RBMS3: variants seen among roughly 807,000 people sequenced by gnomAD.
RBMS3 encodes RNA binding motif single stranded interacting protein 3.
In RBMS3, 27 loss-of-function variants were observed where a neutral mutation model predicts 66.8. The observed-to-expected ratio is 0.40, with a 90% CI of 0.30 to 0.56. The LOEUF is 0.56. RBMS3 is among the 20% of genes least tolerant of loss of function. The pLI, the probability that RBMS3 is intolerant of heterozygous loss-of-function variation, is 0.40. For synonymous variants in RBMS3, 188 were observed against 183.0 expected (o/e 1.03, Z -0.22); for missense variants, 513 against 549.5 (o/e 0.93, Z 0.66).
At chr3:29,825,298 A>G (rs1466387895) in intron 6 of RBMS3, among the ~76,000 whole-genome samples, 5 of 151,976 alleles carry the variant, frequency 3.3e-5, no homozygotes, top group Admixed American at 2.6e-4. Flanking sequence ...CATCCTCCCA[A>G]TGTGCTGGGA....
chr3:29,884,271 C>G, intron 8 of RBMS3, 63 bp downstream of exon 8: 2 of 1,445,628 alleles, frequency 1.4e-6, no homozygotes, highest in Non-Finnish European at 1.9e-6. Flanking sequence ...GAATCAACAT[C>G]AAAGAAAAAT....
chr3:29,684,813 C>CACACACAG (rs1386408420), intron 4 of RBMS3, among the ~76,000 whole-genome samples: 2,556 of 144,958 alleles, frequency 0.018, 75 homozygotes, highest in African/African-American at 0.059. Context: ...CACACACACA[C>CACACACAG]ACAGACACAT....
intron 3 of RBMS3, among the ~76,000 whole-genome samples, chr3:29,548,713 A>T (rs976454385): frequency 6.6e-6 from 1 of 152,034 alleles, no homozygotes; most frequent in Non-Finnish European, 1.5e-5. Context: ...GCTTCAAGTC[A>T]CCAGTGCATG....
At chr3:29,921,753 C>T (rs765581153) in intron 10 of RBMS3, among the ~76,000 whole-genome samples, 1 of 152,146 alleles carries the variant, frequency 6.6e-6, no homozygotes. Context: ...TTCTTGATTA[C>T]TAAGATAACA....
chr3:29,898,183 G>A (rs1227009650), intron 9 of RBMS3, among the ~76,000 whole-genome samples: 5 of 151,528 alleles, frequency 3.3e-5, no homozygotes, highest in African/African-American at 7.3e-5. Flanking sequence ...GAGTTATTAC[G>A]TATGTGATAT....
Position 29,762,932 on chromosome 3 carries a change from G to T in RBMS3, c.580G>T (p.Glu194Ter). The change falls in exon 6 of 15, where the codon GAA becomes TAA. Residue 194 changes from glutamate to a stop codon, truncating the protein, a stop_gained. Coordinates refer to ENST00000383767, the MANE Select transcript of RBMS3 (RefSeq NM_001003793.3). LOFTEE classifies it high-confidence loss of function. Reference protein sequence around the residue: ...FARMESTEKCEVVIQHFNGKY... With the variant: ...FARMESTEKC ...CAGAATGGAGTCTACTGAAAAATGT[G>T]AAGTGGTAATTCAACATTTTAATGG... The T allele has an allele frequency of 6.2e-7, 1 of 1,609,510 alleles. No homozygotes were observed.
intron 10 of RBMS3, among the ~76,000 whole-genome samples, chr3:29,912,508 TGTA>T (rs1405084264): frequency 3.3e-5 from 5 of 152,140 alleles, no homozygotes; most frequent in Non-Finnish European, 1.5e-5. Flanking sequence ...ATGTTCATAA[TGTA>T]GTATTCTAAT....
intron 2 of RBMS3, among the ~76,000 whole-genome samples, chr3:29,469,267 G>A (rs1300719534): frequency 6.6e-6 from 1 of 152,030 alleles, no homozygotes; most frequent in Admixed American, 6.6e-5. Context: ...TAAGGCTGTG[G>A]AGAAACTATT....
intron 12 of RBMS3, among the ~76,000 whole-genome samples, chr3:29,983,233 CG>C (rs202035648): frequency 0.15 from 18,967 of 122,718 alleles, 1,305 homozygotes; most frequent in East Asian, 0.21. Context: ...TTGCAACCCC[CG>C]CCCCCTTTTT....
chr3:29,912,854 T>A (rs2060549473), intron 10 of RBMS3, among the ~76,000 whole-genome samples: 1 of 152,040 alleles, frequency 6.6e-6, no homozygotes, highest in Non-Finnish European at 1.5e-5. Flanking sequence ...TGATTTATAG[T>A]TTCACCTAGG....
chr3:29,503,538 C>T (rs2044058386), intron 3 of RBMS3, among the ~76,000 whole-genome samples: 1 of 152,008 alleles, frequency 6.6e-6, no homozygotes, highest in African/African-American at 2.4e-5. Flanking sequence ...AGTGGTCTTT[C>T]TCTGGCCTGA....
intron 6 of RBMS3, among the ~76,000 whole-genome samples, chr3:29,775,131 C>T (rs755261052): frequency 2.9e-4 from 44 of 151,760 alleles, no homozygotes; most frequent in Non-Finnish European, 4.9e-4. Context: ...GTTTAAAATA[C>T]GCTCTCACTT....
chr3:29,422,861 A>AT (rs2040807528), intron 1 of RBMS3, among the ~76,000 whole-genome samples: 1 of 150,862 alleles, frequency 6.6e-6, no homozygotes, highest in South Asian at 2.1e-4. Flanking sequence ...TGAGGAAATT[A>AT]TTATGTTTTA....
At chr3:29,588,610 C>A (rs1228316329) in intron 4 of RBMS3, among the ~76,000 whole-genome samples, 3 of 152,048 alleles carry the variant, frequency 2.0e-5, no homozygotes, top group African/African-American at 4.8e-5. Context: ...CTTTATGACA[C>A]ATGACTAGTT....
intron 4 of RBMS3, among the ~76,000 whole-genome samples, chr3:29,724,282 A>T (rs891051874): frequency 6.6e-6 from 1 of 152,134 alleles, no homozygotes. Context: ...AATTAACATG[A>T]CTTATATTTA....
chr3:29,530,073 C>A (rs116753621), intron 3 of RBMS3, among the ~76,000 whole-genome samples: 1,669 of 152,242 alleles, frequency 0.011, 11 homozygotes, highest in Non-Finnish European at 0.018. Flanking sequence ...TGCTAGGCAT[C>A]CCCTGCCGTA....
At chr3:29,849,161 A>T (rs1380034925) in intron 6 of RBMS3, among the ~76,000 whole-genome samples, 1 of 137,544 alleles carries the variant, frequency 7.3e-6, no homozygotes, top group African/African-American at 2.8e-5. Flanking sequence ...CTCCCCCTCC[A>T]CCAAAGGAAT....
At chr3:29,913,709 A>T (rs541033388) in intron 10 of RBMS3, among the ~76,000 whole-genome samples, 9 of 152,104 alleles carry the variant, frequency 5.9e-5, no homozygotes, top group African/African-American at 2.2e-4. Flanking sequence ...AGTTATTCTT[A>T]AACGGTTCTT....
At chr3:29,558,060 G>A (rs2046420947) in intron 3 of RBMS3, among the ~76,000 whole-genome samples, 1 of 152,164 alleles carries the variant, frequency 6.6e-6, no homozygotes, top group Non-Finnish European at 1.5e-5. Flanking sequence ...AACAAGCTGG[G>A]ATGAAATGGG....
Sources: gnomAD v4.1 joint callset for allele counts (sites outside exome capture counted in the v4.1 genomes callset) on GRCh38, gnomAD v4.1.1 for gene constraint, MANE v1.5 for transcripts, NCBI Gene and HGNC (gene_info 2026-07-23, HGNC 2026-07-21) for gene names.